Variants in URB2 observed in about 807,000 individuals in gnomAD.
URB2 encodes unhealthy ribosome biogenesis protein 2 homolog.
A neutral mutation model predicts 120.9 loss-of-function variants in URB2; 86 were observed. The observed-to-expected ratio is 0.71, with a 90% CI of 0.60 to 0.85. The LOEUF (loss-of-function observed/expected upper bound fraction) is 0.85. Ranked by LOEUF, URB2 falls within the 40% of genes least tolerant of loss-of-function variation. URB2 has a pLI of 0.00. For missense variants in URB2, 1,765 were observed against 1,836.5 expected (o/e 0.96, Z 0.71); for synonymous variants, 755 against 758.4 (o/e 1.00, Z 0.07).
At chr1:229,641,459 G>A (rs1666010575) in intron 4 of URB2, among the ~76,000 whole-genome samples, 1 of 152,182 alleles carries the variant, frequency 6.6e-6, no homozygotes, top group Non-Finnish European at 1.5e-5. Flanking sequence ...TGGGCCTGGG[G>A]TGTTGCTGTG....
At chr1:229,650,275 A>G (rs1666236772) in intron 7 of URB2, among the ~76,000 whole-genome samples, 1 of 152,218 alleles carries the variant, frequency 6.6e-6, no homozygotes, top group Non-Finnish European at 1.5e-5. Context: ...TGTGGCCAGT[A>G]TGACTAGGAA....
At chr1:229,655,615 A>G (rs771733444) in intron 9 of URB2, among the ~76,000 whole-genome samples, 3 of 152,208 alleles carry the variant, frequency 2.0e-5, no homozygotes, top group Non-Finnish European at 2.9e-5. Context: ...TAGTAAGTTC[A>G]CTACAGAACT....
At chr1:229,642,357 G>T (rs774115818) in intron 4 of URB2, among the ~76,000 whole-genome samples, 1 of 152,074 alleles carries the variant, frequency 6.6e-6, no homozygotes, top group Non-Finnish European at 1.5e-5. Context: ...GGGAGTTGAG[G>T]TTCAGAGAGA....
intron 7 of URB2, 29 bp from the exon 8 acceptor site, chr1:229,651,206 C>A (rs542119407): frequency 3.8e-6 from 6 of 1,577,564 alleles, no homozygotes; most frequent in Middle Eastern, 1.7e-4. Flanking sequence ...CACGTATGTA[C>A]TTTTACATTC....
At chr1:229,630,914 G>A (rs969692013) in intron 2 of URB2, among the ~76,000 whole-genome samples, 1 of 150,840 alleles carries the variant, frequency 6.6e-6, no homozygotes, top group African/African-American at 2.4e-5. Context: ...CCTGGGAGGT[G>A]GAGGTTGCAG....
chr1:229,659,337 G>A lies in URB2; in HGVS notation c.*40G>A, dbSNP rs1349695211. ...AGTGCCGCCAGTGACACTGTCCAGA[G>A]GCTTTGGCTGCATGGTCTGAAAGAG... On this transcript the variant is annotated 3_prime_UTR_variant, in exon 10 of 10. Coordinates refer to ENST00000258243, the MANE Select transcript of URB2 (RefSeq NM_014777.4). 3 of 1,592,260 alleles carry A rather than the reference G, an allele frequency of 1.9e-6. No individual in the cohort carries two copies. Among genetic ancestry groups the A allele is most frequent in the Non-Finnish European group, 2.6e-6 (3 of 1,163,698 alleles).
chr1:229,646,532 G>A (rs1666149742), intron 6 of URB2, among the ~76,000 whole-genome samples: 1 of 152,144 alleles, frequency 6.6e-6, no homozygotes, highest in Non-Finnish European at 1.5e-5. Context: ...CCCACAAAAT[G>A]TTGTGGTTAG....
In URB2 at chr1:229,635,820, G is replaced by A. The variant is rs886495130; in HGVS notation, c.1207G>A (p.Ala403Thr). Residue 403 changes from alanine to threonine, a missense_variant, in exon 4 of 10, where the codon GCA becomes ACA. Physicochemically the swap from Ala to Thr is moderately conservative, Grantham distance 58 (BLOSUM62 0). Transcript: ENST00000258243. ...VAELLINHAQ[A>T]PIPAWFRCLK... ...TGAGCTGCTGATAAACCATGCACAA[G>A]CACCCATACCGGCCTGGTTCCGCTG... 3 of 1,614,014 alleles carry A rather than the reference G, an allele frequency of 1.9e-6. No individual in the cohort carries two copies. Among genetic ancestry groups the A allele is most frequent in the Admixed American group, 1.7e-5 (1 of 60,012 alleles).
At chr1:229,645,237 A>G (rs1260352320) in intron 5 of URB2, among the ~76,000 whole-genome samples, 2 of 151,322 alleles carry the variant, frequency 1.3e-5, no homozygotes, top group Non-Finnish European at 2.9e-5. Context: ...GTGAGCAGAG[A>G]TCATGCCATT....
At chr1:229,633,636 G>A (rs1665724071) in intron 3 of URB2, among the ~76,000 whole-genome samples, 1 of 152,124 alleles carries the variant, frequency 6.6e-6, no homozygotes, top group South Asian at 2.1e-4. Flanking sequence ...TATCTCATTA[G>A]GGCACTGATA....
intron 3 of URB2, among the ~76,000 whole-genome samples, chr1:229,634,393 T>C (rs1571868545): frequency 6.6e-6 from 1 of 151,922 alleles, no homozygotes; most frequent in African/African-American, 2.4e-5. Flanking sequence ...TTTAGTGGAG[T>C]CAGGTTTCAC....
chr1:229,639,122 C>T (rs1665937388), intron 4 of URB2, among the ~76,000 whole-genome samples: 2 of 151,920 alleles, frequency 1.3e-5, no homozygotes, highest in Non-Finnish European at 2.9e-5. Flanking sequence ...TGGCAAAACC[C>T]CATCTCTACA....
chr1:229,645,314 C>T (rs1666114147), intron 5 of URB2, among the ~76,000 whole-genome samples: 1 of 151,840 alleles, frequency 6.6e-6, no homozygotes, highest in African/African-American at 2.4e-5. Flanking sequence ...AAATTCTGCT[C>T]ACTCTGTGCT....
Position 229,636,808 on chromosome 1 carries a change from G to T in URB2, c.2195G>T (p.Gly732Val). 6.2e-7 allele frequency: 1 copy of T among 1,612,654 alleles called. No individual in the cohort carries two copies. The highest frequency in any genetic ancestry group is 2.2e-5 in the East Asian group (1 of 44,852). ...SWDGQVGMVS[G>V]LTYPVAHWHL... The stretch of plus-strand genomic sequence containing the variant: ...GATGGCCAAGTTGGGATGGTGAGTG[G>T]ACTCACATACCCTGTAGCACACTGG... The change falls in exon 4 of 10, where the codon GGA becomes GTA. Residue 732 changes from glycine to valine, a missense_variant. By Grantham distance (109) the Gly-to-Val change is moderately radical. Coordinates refer to ENST00000258243, the MANE Select transcript of URB2 (RefSeq NM_014777.4).
chr1:229,654,523 T>C, intron 9 of URB2, 135 bp downstream of exon 9: 3 of 1,311,562 alleles, frequency 2.3e-6, no homozygotes, highest in Non-Finnish European at 3.2e-6. Context: ...GACAGGGTTT[T>C]GCTCTCTCAC....
rs748000802 is a variant in URB2 at position 229,647,629 on chromosome 1, C to T, written c.4026C>T (p.His1342=). 3.1e-5 allele frequency: 50 copies of T among 1,614,068 alleles called. No individual in the cohort carries two copies. Among genetic ancestry groups the T allele is most frequent in the East Asian group, 8.9e-5 (4 of 44,884 alleles). Residue 1342 remains histidine, a synonymous_variant, in exon 7 of 10, where the codon CAC becomes CAT. Transcript: ENST00000258243. ...QGEEAIGNPH[H]VSLAFSILLT... Reference sequence around the variant, plus strand: ...AGGAGGCCATCGGCAACCCCCACCACGTCAGCCTGGCCTTCAGCATCCTTC... The same window carrying T: ...AGGAGGCCATCGGCAACCCCCACCATGTCAGCCTGGCCTTCAGCATCCTTC...
At chr1:229,631,489 A>G (rs966845706) in intron 2 of URB2, among the ~76,000 whole-genome samples, 4 of 152,160 alleles carry the variant, frequency 2.6e-5, no homozygotes, top group Non-Finnish European at 5.9e-5. Flanking sequence ...CTTCCTCACT[A>G]AGCTTAATTA....
intron 7 of URB2, 89 bp from the exon 8 acceptor site, chr1:229,651,146 T>G: frequency 7.8e-7 from 1 of 1,276,578 alleles, no homozygotes; most frequent in Non-Finnish European, 1.0e-6. Flanking sequence ...TAGACTAGGC[T>G]AAGAAAGAAA....
rs1665887247 is a variant in URB2, at chr1:229,637,803, T to TGCCATG, written c.3191_3196dup (p.His1065_Val1066insGlyHis). ...CCTTCTGGTGTCTTTAACCAGGTTG[T>TGCCATG]GCCATGTCCTGGGACCTTTCCTCAA... On this transcript the variant is annotated inframe_insertion, in exon 4 of 10. Transcript: ENST00000258243. 1 of 1,613,666 alleles carries TGCCATG rather than the reference T, an allele frequency of 6.2e-7. No individual in the cohort carries two copies. The highest frequency in any genetic ancestry group is 8.5e-7 in the Non-Finnish European group (1 of 1,179,890).
Sources: gnomAD v4.1 joint callset for allele counts (sites outside exome capture counted in the v4.1 genomes callset) on GRCh38, gnomAD v4.1.1 for gene constraint, MANE v1.5 for transcripts, NCBI Gene and HGNC (gene_info 2026-07-23, HGNC 2026-07-21) for gene names.